Variants in SRRM4 observed in about 807,000 individuals in gnomAD.
SRRM4 encodes serine/arginine repetitive matrix 4, also known as serine/arginine repetitive matrix protein 4.
A neutral mutation model predicts 68.9 loss-of-function variants in SRRM4; 33 were observed. That is an observed-to-expected ratio of 0.48 (90% CI 0.36 to 0.64). The LOEUF is 0.64. Ranked by LOEUF, SRRM4 falls within the 30% of genes least tolerant of loss-of-function variation. SRRM4 has a pLI of 0.00. For synonymous variants in SRRM4, 318 were observed against 318.8 expected (o/e 1.00, Z 0.03); for missense variants, 817 against 827.1 (o/e 0.99, Z 0.15).
chr12:119,032,181 A>G (rs1953596191), intron 1 of SRRM4, among the ~76,000 whole-genome samples: 1 of 152,166 alleles, frequency 6.6e-6, no homozygotes, highest in Non-Finnish European at 1.5e-5. Flanking sequence ...CTGGGAATGA[A>G]GCGTCCCCTC....
intron 1 of SRRM4, chr12:119,001,081 A>T (rs1304634866): frequency 6.6e-6 from 1 of 152,214 alleles, no homozygotes; most frequent in East Asian, 1.9e-4. Flanking sequence ...GAGCTCTGGG[A>T]TCTAAGTGGC....
chr12:119,080,921 A>G (rs528780645), intron 1 of SRRM4, among the ~76,000 whole-genome samples: 3 of 152,354 alleles, frequency 2.0e-5, no homozygotes, highest in African/African-American at 7.2e-5. Flanking sequence ...TGATGTTAAC[A>G]TTCTGAGCAC....
chr12:119,122,617 TG>T (rs1056213058), intron 6 of SRRM4, among the ~76,000 whole-genome samples: 68 of 152,332 alleles, frequency 4.5e-4, no homozygotes, highest in African/African-American at 1.6e-3. Context: ...GAACATTGTG[TG>T]GTCTATATTT....
intron 1 of SRRM4, among the ~76,000 whole-genome samples, chr12:119,041,370 T>C (rs1271591463): frequency 6.6e-6 from 1 of 152,244 alleles, no homozygotes; most frequent in Non-Finnish European, 1.5e-5. Context: ...ATGAGGATAA[T>C]ATGCCTTGAT....
At chr12:119,115,461 G>A (rs927989946) in intron 3 of SRRM4, among the ~76,000 whole-genome samples, 1 of 152,116 alleles carries the variant, frequency 6.6e-6, no homozygotes, top group Non-Finnish European at 1.5e-5. Flanking sequence ...AAACTTCTGA[G>A]GCAGTATTTA....
chr12:119,112,159 G>A (rs576633245), intron 2 of SRRM4, among the ~76,000 whole-genome samples: 48 of 152,236 alleles, frequency 3.2e-4, no homozygotes, highest in African/African-American at 1.1e-3. Context: ...TATAAGTGTA[G>A]TTAAGTAGTT....
Position 119,154,593 on chromosome 12 carries a change from A to C in SRRM4, c.1532+210A>C, listed in dbSNP as rs192108754. Among the ~76,000 whole-genome samples the C allele has an allele frequency of 5.9e-5, 9 of 152,336 alleles. No individual in the cohort carries two copies. Among genetic ancestry groups the C allele is most frequent in the African/African-American group, 2.2e-4 (9 of 41,594 alleles). On this transcript the variant is annotated intron_variant, in intron 12 of 12. Transcript: ENST00000267260. This position sits in a 1 kb window ranked among gnomAD's most constrained non-coding sequence, Gnocchi z 4.7. ...TCCCAGCTCAACCAGCAGGGCCTGCAAGAAGGGGGCGGGGCCAGCCTGAAG... is the reference window on the plus strand; with the variant it reads ...TCCCAGCTCAACCAGCAGGGCCTGCCAGAAGGGGGCGGGGCCAGCCTGAAG...
chr12:118,987,145 C>T (rs532884477), intron 1 of SRRM4, among the ~76,000 whole-genome samples: 2 of 152,108 alleles, frequency 1.3e-5, no homozygotes, highest in African/African-American at 4.8e-5. Context: ...CTGCAGGACC[C>T]GCTAGTCACT....
At chr12:119,130,004 GATGGATGAATGC>G (rs978154235) in intron 7 of SRRM4, among the ~76,000 whole-genome samples, 3 of 138,614 alleles carry the variant, frequency 2.2e-5, no homozygotes, top group Admixed American at 7.3e-5. Context: ...TGGATGGATG[GATGGATGAATGC>G]ATAGATGGTT....
At chr12:119,061,184 A>T in intron 1 of SRRM4, among the ~76,000 whole-genome samples, 1 of 152,210 alleles carries the variant, frequency 6.6e-6, no homozygotes, top group Non-Finnish European at 1.5e-5. Flanking sequence ...CCACCCTGTC[A>T]AGCCCCAGAC....
intron 1 of SRRM4, among the ~76,000 whole-genome samples, chr12:119,066,029 A>T (rs917359553): frequency 6.6e-6 from 1 of 152,210 alleles, no homozygotes; most frequent in African/African-American, 2.4e-5. Context: ...CCTGACAAAG[A>T]GTAACCCCTC....
At chr12:119,116,341 A>C (rs1954179549) in intron 3 of SRRM4, among the ~76,000 whole-genome samples, 1 of 152,156 alleles carries the variant, frequency 6.6e-6, no homozygotes, top group Admixed American at 6.5e-5. Context: ...CTTTGATGGC[A>C]CTATCCGTGC....
At chr12:119,082,618 G>A (rs1304149403) in intron 1 of SRRM4, among the ~76,000 whole-genome samples, 1 of 152,166 alleles carries the variant, frequency 6.6e-6, no homozygotes, top group Admixed American at 6.5e-5. Context: ...ATGAGATGAA[G>A]GCTTCACTTG....
intron 1 of SRRM4, among the ~76,000 whole-genome samples, chr12:119,050,775 G>A (rs1953737647): frequency 6.6e-6 from 1 of 152,072 alleles, no homozygotes; most frequent in Admixed American, 6.5e-5. Context: ...ATGTTATCTA[G>A]AACTGTACTG....
intron 9 of SRRM4, among the ~76,000 whole-genome samples, chr12:119,149,900 AC>A (rs1173885481): frequency 2.0e-5 from 3 of 152,180 alleles, no homozygotes; most frequent in Non-Finnish European, 2.9e-5. Context: ...TTCACTGAGC[AC>A]CTAACAGAGG....
intron 6 of SRRM4, 47 bp downstream of exon 6, chr12:119,122,167 G>A (rs1276695513): frequency 1.5e-6 from 2 of 1,332,590 alleles, no homozygotes; most frequent in Admixed American, 1.7e-5. Flanking sequence ...GAGGAGTTGG[G>A]GCATCTGGCT....
chr12:119,122,822 C>T (rs751127521), intron 6 of SRRM4, among the ~76,000 whole-genome samples: 12 of 151,958 alleles, frequency 7.9e-5, no homozygotes, highest in Admixed American at 2.0e-4. Flanking sequence ...CATGGGTGCA[C>T]GTGTGTGAGC....
intron 5 of SRRM4, among the ~76,000 whole-genome samples, chr12:119,120,911 G>C (rs920410923): frequency 6.6e-6 from 1 of 152,188 alleles, no homozygotes; most frequent in Non-Finnish European, 1.5e-5. Flanking sequence ...GAGGGTAAGG[G>C]GAGTGACGAT....
chr12:119,002,093 A>T (rs939091718), intron 1 of SRRM4, among the ~76,000 whole-genome samples: 1 of 152,212 alleles, frequency 6.6e-6, no homozygotes, highest in African/African-American at 2.4e-5. Context: ...ATTAGACCAC[A>T]CTGCCTATGT....
Sources: gnomAD v4.1 joint callset for allele counts (sites outside exome capture counted in the v4.1 genomes callset) on GRCh38, gnomAD v4.1.1 for gene constraint, Gnocchi (gnomAD v3.1) non-coding constraint, MANE v1.5 for transcripts, NCBI Gene and HGNC (gene_info 2026-07-23, HGNC 2026-07-21) for gene names.